The following PAFAH1B2 variants were observed in gnomAD, a reference collection of about 807,000 sequenced individuals.
PAFAH1B2 encodes the protein platelet-activating factor acetylhydrolase IB subunit alpha2.
Under a neutral mutation model 28.0 loss-of-function variants are expected in PAFAH1B2, and 8 were observed. The observed-to-expected ratio is 0.29, with a 90% CI of 0.17 to 0.52. The LOEUF (loss-of-function observed/expected upper bound fraction) is 0.52. Ranked by LOEUF, PAFAH1B2 falls within the 20% of genes least tolerant of loss-of-function variation. The pLI is 0.97. For synonymous variants in PAFAH1B2, 104 were observed against 103.2 expected (o/e 1.01, Z -0.05); for missense variants, 190 against 282.6 (o/e 0.67, Z 2.35).
At chr11:117,172,328 C>A (rs181886429), downstream of PAFAH1B2, among the ~76,000 whole-genome samples, 23 of 125,156 alleles carry the variant, frequency 1.8e-4, no homozygotes, top group East Asian at 5.5e-3. Context: ...CTTTTGCCTA[C>A]TTGCTGGTTC....
At chr11:117,171,059 TTC>T (rs2029923893), downstream of PAFAH1B2, 1 of 1,026,020 alleles carries the variant, frequency 9.7e-7, no homozygotes, top group Non-Finnish European at 1.2e-6. Flanking sequence ...GCTGGTGTCT[TTC>T]TGTCTCCTTT....
Position 117,170,078 on chromosome 11 carries a change from T to A in PAFAH1B2, c.*2379T>A, listed in dbSNP as rs1453227454. Reference sequence around the variant, plus strand: ...CTGCCCCATTACTGATGTGCAGATATTGAGTTCACTTTCATTTTTTGCCAG... The same window carrying A: ...CTGCCCCATTACTGATGTGCAGATAATGAGTTCACTTTCATTTTTTGCCAG... On this transcript the variant is annotated 3_prime_UTR_variant, in exon 6 of 6. Coordinates refer to ENST00000527958, the MANE Select transcript of PAFAH1B2 (RefSeq NM_002572.4). 1.9e-6 allele frequency: 2 copies of A among 1,055,788 alleles called. No homozygotes were observed. The highest frequency in any genetic ancestry group is 1.7e-5 in the African/African-American group (1 of 60,540). 65.4% of individuals were successfully genotyped at this position (1,055,788 alleles called of 1,614,324 possible).
At chr11:117,171,698 G>A, downstream of PAFAH1B2, 1 of 1,535,726 alleles carries the variant, frequency 6.5e-7, no homozygotes, top group African/African-American at 1.4e-5. Flanking sequence ...TGGTCGATCG[G>A]GACCTATCCT....
chr11:117,152,962 A>C (rs1956184974), intron 2 of PAFAH1B2, among the ~76,000 whole-genome samples: 1 of 152,154 alleles, frequency 6.6e-6, no homozygotes, highest in Non-Finnish European at 1.5e-5. Flanking sequence ...GTTACTGAGG[A>C]GGCTGAGGCA....
intron 5 of PAFAH1B2, among the ~76,000 whole-genome samples, chr11:117,167,130 A>G (rs943261448): frequency 1.2e-4 from 18 of 152,230 alleles, no homozygotes; most frequent in African/African-American, 4.1e-4. Flanking sequence ...TAGAAGTTTC[A>G]TATGTAATTC....
At chr11:117,153,207 G>C (rs993944345) in intron 2 of PAFAH1B2, among the ~76,000 whole-genome samples, 1 of 152,208 alleles carries the variant, frequency 6.6e-6, no homozygotes, top group African/African-American at 2.4e-5. Context: ...TCACCATTCT[G>C]ATGTTGGAAC....
chr11:117,160,858 A>G (rs1048631510), intron 3 of PAFAH1B2, among the ~76,000 whole-genome samples: 4 of 151,958 alleles, frequency 2.6e-5, no homozygotes, highest in Admixed American at 6.6e-5. Context: ...CTGTAGTTCA[A>G]TAAGTGGAAA....
At chr11:117,161,086 C>G (rs531194362) in intron 3 of PAFAH1B2, 59 bp from the exon 4 acceptor site, 2 of 1,055,842 alleles carry the variant, frequency 1.9e-6, no homozygotes, top group East Asian at 4.8e-5. Flanking sequence ...ACATTGCAGT[C>G]GAAAGATTAA....
Position 117,169,118 on chromosome 11 carries a change from C to T in PAFAH1B2, c.*1419C>T, listed in dbSNP as rs1956587389. ...ATTGGCTTAGTTTTTAAATTATCCT[C>T]CAAAAATTTTGGGCCTTTTTCTGTG... On this transcript the variant is annotated 3_prime_UTR_variant, in exon 6 of 6. Transcript: ENST00000527958. 1.3e-5 allele frequency: 13 copies of T among 1,022,344 alleles called. No individual in the cohort carries two copies. The highest frequency in any genetic ancestry group is 4.6e-5 in the South Asian group (1 of 21,590). The allele number at this position is 1,022,344 out of a possible 1,614,324, so 63.3% of individuals were successfully genotyped here. A position where few individuals can be genotyped will look rare whatever the true frequency, so the allele number is the denominator to read the frequency against.
chr11:117,177,237 A>G (rs1235707868), downstream of PAFAH1B2, among the ~76,000 whole-genome samples: 1 of 152,204 alleles, frequency 6.6e-6, no homozygotes, highest in Non-Finnish European at 1.5e-5. Flanking sequence ...AAAGCAATAT[A>G]TAAATATATA....
intron 1 of PAFAH1B2, among the ~76,000 whole-genome samples, chr11:117,145,653 C>G (rs1159166971): frequency 6.6e-6 from 1 of 152,162 alleles, no homozygotes; most frequent in Middle Eastern, 3.2e-3. Flanking sequence ...AGGAACCACC[C>G]ACCAGCCCAC....
intron 5 of PAFAH1B2, 115 bp downstream of exon 5, chr11:117,164,007 A>T: frequency 9.1e-7 from 1 of 1,093,506 alleles, no homozygotes; most frequent in African/African-American, 1.6e-5. Context: ...GCAGTTTATC[A>T]TACTTTCGTT....
downstream of PAFAH1B2, chr11:117,174,904 C>A: frequency 6.6e-7 from 1 of 1,526,062 alleles, no homozygotes; most frequent in South Asian, 1.2e-5. Context: ...CGTGAGTCAC[C>A]GCACCAGGCC....
Position 117,169,574 on chromosome 11 carries a change from T to C in PAFAH1B2, c.*1875T>C. 17 of 1,055,064 alleles carry C rather than the reference T, an allele frequency of 1.6e-5. No homozygotes were observed. Among genetic ancestry groups the C allele is most frequent in the Non-Finnish European group, 1.9e-5 (17 of 872,612 alleles). The allele number at this position is 1,055,064 out of a possible 1,614,324, so 65.4% of individuals were successfully genotyped here. A position where few individuals can be genotyped will look rare whatever the true frequency, so the allele number is the denominator to read the frequency against. On this transcript the variant is annotated 3_prime_UTR_variant, in exon 6 of 6. Coordinates refer to ENST00000527958, the MANE Select transcript of PAFAH1B2 (RefSeq NM_002572.4). ...TCATTTTTTTCTTGTGAAGTCTCTT[T>C]CTAGAAAATTTTTTGGTTTTGTTCT...
At chr11:117,172,385 TATATATATATATA>T (rs1956684067), downstream of PAFAH1B2, among the ~76,000 whole-genome samples, 9 of 2,278 alleles carry the variant, frequency 4.0e-3, no homozygotes, top group African/African-American at 8.7e-3. Context: ...TATATATATA[TATATATATATATA>T]TATATATTTT....
intron 2 of PAFAH1B2, 198 bp from the exon 3 acceptor site, chr11:117,159,736 G>GAAAA: frequency 4.9e-6 from 2 of 404,318 alleles, no homozygotes; most frequent in South Asian, 3.5e-5. Flanking sequence ...CGCTGTCTTA[G>GAAAA]AAAAAAAAAA....
At chr11:117,166,357 T>C (rs1257791176) in intron 5 of PAFAH1B2, among the ~76,000 whole-genome samples, 1 of 152,252 alleles carries the variant, frequency 6.6e-6, no homozygotes. Flanking sequence ...TGTATGAATG[T>C]TGCTCAATAA....
At chr11:117,152,771 A>AAAAC (rs1956181099) in intron 2 of PAFAH1B2, among the ~76,000 whole-genome samples, 7 of 152,026 alleles carry the variant, frequency 4.6e-5, no homozygotes, top group Non-Finnish European at 1.0e-4. Flanking sequence ...CAATTAAAAA[A>AAAAC]AAAACAAAAC....
chr11:117,175,014 T>A, downstream of PAFAH1B2: 1 of 1,423,450 alleles, frequency 7.0e-7, no homozygotes, highest in South Asian at 1.5e-5. Flanking sequence ...AAAATGGAGC[T>A]GGACTCATGG....
Sources: allele counts gnomAD v4.1 joint callset (sites outside exome capture counted in the v4.1 genomes callset), GRCh38; gene constraint gnomAD v4.1.1; transcripts MANE v1.5; gene names NCBI Gene and HGNC (gene_info 2026-07-23, HGNC 2026-07-21).